MAPDA: variants seen among roughly 807,000 people sequenced by gnomAD.
The protein encoded by MAPDA is N6,N6-dimethyl-AMP deaminase.
At chr15:43,338,365 A>C in the MAPDA span, among the ~76,000 whole-genome samples, 2 of 152,222 alleles carry the variant, frequency 1.3e-5, no homozygotes, top group Admixed American at 1.3e-4. Context: ...AGAGGATTGG[A>C]GTGTGGCTGA....
chr15:43,330,603 C>A, the MAPDA span: 1 of 1,230,038 alleles, frequency 8.1e-7, no homozygotes, highest in South Asian at 1.9e-5. Context: ...TCCTGGACTT[C>A]CCCTTCCGCC....
At chr15:43,347,006 T>C in the MAPDA span, 1 of 1,611,914 alleles carries the variant, frequency 6.2e-7, no homozygotes, top group Non-Finnish European at 8.5e-7. Flanking sequence ...TTTTAACTTT[T>C]ATCTTTAAGG....
chr15:43,345,936 A>G, the MAPDA span: 8 of 1,614,016 alleles, frequency 5.0e-6, no homozygotes, highest in Admixed American at 1.0e-4. Flanking sequence ...CTTCCTTTCT[A>G]CTGAGGGTAC....
the MAPDA span, among the ~76,000 whole-genome samples, chr15:43,337,964 G>T: frequency 1.3e-5 from 2 of 152,170 alleles, no homozygotes; most frequent in African/African-American, 4.8e-5. Flanking sequence ...GGAACCAAAA[G>T]GGCATTCTCT....
At chr15:43,340,152 A>G in the MAPDA span, 12 of 936,262 alleles carry the variant, frequency 1.3e-5, no homozygotes, top group Non-Finnish European at 1.8e-5. Context: ...GAAACTTCCA[A>G]CATTACTTGC....
the MAPDA span, among the ~76,000 whole-genome samples, chr15:43,347,982 A>T: frequency 6.6e-6 from 1 of 152,244 alleles, no homozygotes; most frequent in Non-Finnish European, 1.5e-5. Flanking sequence ...GATGTGTGAT[A>T]GAAACCATTG....
the MAPDA span, among the ~76,000 whole-genome samples, chr15:43,337,159 C>T: frequency 1.3e-5 from 2 of 151,170 alleles, no homozygotes; most frequent in South Asian, 4.2e-4. Context: ...GCCTGTAGTC[C>T]CAGCTACTCG....
At chr15:43,337,023 C>T in the MAPDA span, among the ~76,000 whole-genome samples, 8 of 151,874 alleles carry the variant, frequency 5.3e-5, no homozygotes, top group Non-Finnish European at 8.8e-5. Context: ...AATCCCAGCA[C>T]TCTGGGAGGC....
chr15:43,335,548 T>C, the MAPDA span: 1 of 899,094 alleles, frequency 1.1e-6, no homozygotes, highest in Non-Finnish European at 1.6e-6. Flanking sequence ...AAAGAAAAAG[T>C]AAATTTTGTA....
the MAPDA span, chr15:43,349,033 C>G: frequency 6.2e-7 from 1 of 1,614,156 alleles, no homozygotes; most frequent in African/African-American, 1.3e-5. Flanking sequence ...GAGGCAACAT[C>G]GGATACCACT....
the MAPDA span, chr15:43,330,635 G>A: frequency 2.1e-6 from 2 of 958,506 alleles, no homozygotes; most frequent in South Asian, 2.2e-5. Flanking sequence ...GTCACTTCCG[G>A]GAAGAGCGCA....
chr15:43,343,552 CT>C, the MAPDA span, among the ~76,000 whole-genome samples: 1 of 152,330 alleles, frequency 6.6e-6, no homozygotes, highest in Middle Eastern at 3.4e-3. Context: ...TCTCAATTGG[CT>C]GTTACTTCCT....
chr15:43,349,057 A>G, the MAPDA span: 43 of 1,613,960 alleles, frequency 2.7e-5, no homozygotes, highest in Non-Finnish European at 3.6e-5. Context: ...TAAGGCTTGG[A>G]GTTTCAGGTC....
the MAPDA span, chr15:43,347,114 A>G: frequency 6.3e-7 from 1 of 1,590,448 alleles, no homozygotes; most frequent in Non-Finnish European, 8.6e-7. Context: ...ATATTGTCTT[A>G]GGCTAGAAGG....
At chr15:43,340,437 CACTA>C in the MAPDA span, 3 of 1,139,586 alleles carry the variant, frequency 2.6e-6, no homozygotes, top group Middle Eastern at 2.0e-4. Context: ...GAATATGAAG[CACTA>C]ACTTTTATAC....
chr15:43,342,252 A>AG, the MAPDA span, among the ~76,000 whole-genome samples: 7 of 152,080 alleles, frequency 4.6e-5, no homozygotes, highest in Non-Finnish European at 1.0e-4. Flanking sequence ...CTAAAGAAAA[A>AG]GAAAAAAAGG....
the MAPDA span, chr15:43,353,699 A>G: frequency 6.6e-6 from 1 of 152,198 alleles, no homozygotes; most frequent in Non-Finnish European, 1.5e-5. Flanking sequence ...TACCTTCATA[A>G]TGAAGCCTCC....
At chr15:43,345,752 G>C in the MAPDA span, 2 of 1,390,426 alleles carry the variant, frequency 1.4e-6, no homozygotes, top group Non-Finnish European at 2.0e-6. Flanking sequence ...TTCCTAGTGA[G>C]ATGTATTACA....
the MAPDA span, among the ~76,000 whole-genome samples, chr15:43,345,181 C>T: frequency 5.9e-5 from 9 of 151,794 alleles, no homozygotes; most frequent in Non-Finnish European, 8.8e-5. Flanking sequence ...GGTGAAACTC[C>T]GTCTCTACTA....
Sources: gnomAD v4.1 joint callset for allele counts (sites outside exome capture counted in the v4.1 genomes callset) on GRCh38, gnomAD v4.1.1 for gene constraint, MANE v1.5 for transcripts, NCBI Gene and HGNC (gene_info 2026-07-23, HGNC 2026-07-21) for gene names.